The following RANBP2 variants were observed in gnomAD, a reference collection of about 807,000 sequenced individuals.
The protein encoded by RANBP2 is RAN binding protein 2.
RANBP2 carries 57 observed loss-of-function variants against 303.6 expected under a neutral mutation model. The observed-to-expected ratio is 0.19, with a 90% confidence interval of 0.15 to 0.23. The LOEUF is 0.23. Ranked by LOEUF, RANBP2 falls within the 10% of genes least tolerant of loss-of-function variation. The pLI, the probability that RANBP2 is intolerant of heterozygous loss-of-function variation, is 1.00. For missense variants in RANBP2, 3,138 were observed against 3,780.8 expected (o/e 0.83, Z 4.46); for synonymous variants, 1,167 against 1,301.5 (o/e 0.90, Z 2.23).
the RANBP2 span, among the ~76,000 whole-genome samples, chr2:109,266,775 C>T: frequency 6.6e-6 from 1 of 152,144 alleles, no homozygotes; most frequent in African/African-American, 2.4e-5. Flanking sequence ...CAGGGGTGAG[C>T]GTGTGCCCAC....
At chr2:108,786,769 C>T (rs1678822621), downstream of RANBP2, 32 of 1,491,520 alleles carry the variant, frequency 2.1e-5, no homozygotes, top group Non-Finnish European at 2.8e-5. Flanking sequence ...CCGCGTAGCG[C>T]CGCGGGTTTG....
chr2:109,572,993 A>AT, the RANBP2 span, among the ~76,000 whole-genome samples: 1 of 152,238 alleles, frequency 6.6e-6, no homozygotes, highest in Non-Finnish European at 1.5e-5. Context: ...AATAAAGAAT[A>AT]TATTTAAATC....
chr2:108,738,233 A>G (rs1573724836), intron 6 of RANBP2, among the ~76,000 whole-genome samples: 1 of 147,692 alleles, frequency 6.8e-6, no homozygotes, highest in South Asian at 2.2e-4. Flanking sequence ...CCGCCACCAC[A>G]CCCAGCTAAT....
At chr2:109,713,595 G>A in the RANBP2 span, among the ~76,000 whole-genome samples, 1 of 152,224 alleles carries the variant, frequency 6.6e-6, no homozygotes, top group Non-Finnish European at 1.5e-5. Flanking sequence ...GGTAAGCTGT[G>A]AGAATGTTAG....
chr2:109,213,802 G>A, the RANBP2 span, among the ~76,000 whole-genome samples: 2 of 152,178 alleles, frequency 1.3e-5, no homozygotes, highest in Non-Finnish European at 2.9e-5. Context: ...GATAGGGTGT[G>A]GTGTGGTGTG....
At chr2:109,660,575 A>G in the RANBP2 span, among the ~76,000 whole-genome samples, 12 of 152,212 alleles carry the variant, frequency 7.9e-5, no homozygotes, top group Non-Finnish European at 1.6e-4. Flanking sequence ...AGCTGAGCCT[A>G]CAGGGAGGCA....
chr2:108,900,024 TTA>T, the RANBP2 span, among the ~76,000 whole-genome samples: 1 of 152,074 alleles, frequency 6.6e-6, no homozygotes, highest in Admixed American at 6.5e-5. Flanking sequence ...GACTGATAAG[TTA>T]TATGTGTCAA....
At chr2:109,339,602 A>C in the RANBP2 span, among the ~76,000 whole-genome samples, 2 of 152,146 alleles carry the variant, frequency 1.3e-5, no homozygotes, top group African/African-American at 4.8e-5. Context: ...GTGGGGCTGC[A>C]GGGGTTGCCG....
chr2:109,658,364 T>C, the RANBP2 span, among the ~76,000 whole-genome samples: 1 of 151,566 alleles, frequency 6.6e-6, no homozygotes, highest in Non-Finnish European at 1.5e-5. Flanking sequence ...GAGAATTGCT[T>C]GAACTCGGGA....
chr2:109,643,610 A>C, the RANBP2 span, among the ~76,000 whole-genome samples: 1 of 151,816 alleles, frequency 6.6e-6, no homozygotes, highest in Non-Finnish European at 1.5e-5. Context: ...AAATACAAAA[A>C]AAAAATTAGC....
chr2:108,788,098 G>A, downstream of RANBP2: 1 of 1,602,416 alleles, frequency 6.2e-7, no homozygotes, highest in South Asian at 1.1e-5. Context: ...AGGTAAGCCG[G>A]TATTTTGTAT....
chr2:108,869,092 A>C, the RANBP2 span, among the ~76,000 whole-genome samples: 257 of 152,218 alleles, frequency 1.7e-3, no homozygotes, highest in Non-Finnish European at 2.7e-3. Flanking sequence ...GCAGAGCAAA[A>C]TTCAAACATC....
the RANBP2 span, among the ~76,000 whole-genome samples, chr2:109,285,030 G>A: frequency 5.9e-5 from 9 of 152,344 alleles, no homozygotes; most frequent in Admixed American, 1.3e-4. Context: ...GCGCTGTGCC[G>A]CGGGGCCTCT....
chr2:109,375,126 C>A, the RANBP2 span, among the ~76,000 whole-genome samples: 1 of 152,260 alleles, frequency 6.6e-6, no homozygotes, highest in African/African-American at 2.4e-5. Flanking sequence ...CTGGCACCCA[C>A]CTGCCACAGG....
chr2:109,276,138 C>G, the RANBP2 span, among the ~76,000 whole-genome samples: 3 of 152,140 alleles, frequency 2.0e-5, no homozygotes, highest in Non-Finnish European at 2.9e-5. Flanking sequence ...TTGGCTGAAC[C>G]CACGAGGGTT....
At chr2:109,347,812 G>A in the RANBP2 span, 23 of 1,613,846 alleles carry the variant, frequency 1.4e-5, no homozygotes, top group African/African-American at 5.3e-5. Flanking sequence ...CGAGCTGCAC[G>A]GCACACAGGG....
chr2:109,570,823 G>A, the RANBP2 span, among the ~76,000 whole-genome samples: 1 of 152,078 alleles, frequency 6.6e-6, no homozygotes, highest in Non-Finnish European at 1.5e-5. Flanking sequence ...CACCCGGCCT[G>A]TATTAGGTAT....
the RANBP2 span, among the ~76,000 whole-genome samples, chr2:109,153,593 C>T: frequency 1.3e-5 from 2 of 152,102 alleles, no homozygotes; most frequent in Admixed American, 6.5e-5. Flanking sequence ...GACAGATGCC[C>T]TGTGTGTGTG....
the RANBP2 span, among the ~76,000 whole-genome samples, chr2:109,358,349 A>G: frequency 6.6e-6 from 1 of 152,126 alleles, no homozygotes; most frequent in Non-Finnish European, 1.5e-5. Context: ...AAATAAAGCC[A>G]CTCTAAACAT....
Sources: gnomAD v4.1 joint callset for allele counts (sites outside exome capture counted in the v4.1 genomes callset) on GRCh38, gnomAD v4.1.1 for gene constraint, MANE v1.5 for transcripts, NCBI Gene and HGNC (gene_info 2026-07-23, HGNC 2026-07-21) for gene names.